Variants in EPPK1 observed in about 807,000 individuals in gnomAD.
EPPK1 encodes epiplakin 1.
For synonymous variants in EPPK1, 1,862 were observed against 1,721.2 expected, an observed-to-expected ratio of 1.08 and a Z score of -2.03; for missense variants, 3,823 against 3,673.3, an observed-to-expected ratio of 1.04 and a Z score of -1.05.
At position 143,867,875 on chromosome 8, in the gene EPPK1, C is replaced by T; in HGVS notation, c.5379G>A (p.Val1793=). 1.2e-6 allele frequency: 2 copies of T among 1,613,196 alleles called. No individual in the cohort carries two copies. Among genetic ancestry groups the T allele is most frequent in the Admixed American group, 1.7e-5 (1 of 60,006 alleles). Residue 1793 remains valine (V), a synonymous_variant, in exon 2 of 2, where the codon GTG becomes GTA. Transcript: ENST00000615648. ...KMRVGRFADQ[V]VSFWDLLSSP... is the part of the protein sequence containing the mutation. ...AGGACAGCAGGTCCCAGAAAGAGACCACCTGGTCAGCAAACCTCCCCACGC... is the reference window on the plus strand; with the variant it reads ...AGGACAGCAGGTCCCAGAAAGAGACTACCTGGTCAGCAAACCTCCCCACGC...
rs1294173426 is a variant in EPPK1 at position 143,873,090 on chromosome 8, T to A, written c.164A>T (p.Gln55Leu). The A allele has an allele frequency of 2.6e-6, 4 of 1,555,672 alleles. No homozygotes were observed. Among genetic ancestry groups the A allele is most frequent in the Non-Finnish European group, 3.5e-6 (4 of 1,152,758 alleles). Residue 55 changes from glutamine to leucine, a missense_variant, in exon 2 of 2, where the codon CAG (glutamine) becomes CTG (leucine). Gln to Leu is a moderately radical substitution (Grantham distance 113). Coordinates refer to ENST00000615648, the MANE Select transcript of EPPK1 (RefSeq NM_031308.4). ...CTGCTCCATGGCGGCGTAGACACTC[T>A]GGGCCTGGCCCGAGGCCTCCACATA... The part of the protein sequence containing the change: ...GVYVEASGQA[Q>L]SVYAAMEQGL...
chr8:143,870,162 A>G lies in EPPK1; in HGVS notation c.3092T>C (p.Ile1031Thr). Residue 1031 changes from isoleucine (I) to threonine (T), a missense_variant, in exon 2 of 2, where the codon ATC (isoleucine) becomes ACC (threonine). Transcript: ENST00000615648. This position sits in a 1 kb window ranked among gnomAD's most constrained non-coding sequence, Gnocchi z 5.2. Reference protein sequence around the residue: ...SVFQAMKKGLIPWEQAARLLE... With the variant: ...SVFQAMKKGLTPWEQAARLLE... ...GAGGCGGGCAGCTTGCTCCCAAGGGATGAGACCTTTCTTCATGGCCTGGAA... is the reference window on the plus strand; with the variant it reads ...GAGGCGGGCAGCTTGCTCCCAAGGGGTGAGACCTTTCTTCATGGCCTGGAA... The G allele has an allele frequency of 3.1e-6, 5 of 1,611,686 alleles. No homozygotes were observed. Among genetic ancestry groups the G allele is most frequent in the Non-Finnish European group, 3.4e-6 (4 of 1,179,416 alleles).
chr8:143,868,660 C>T lies in EPPK1; in HGVS notation c.4594G>A (p.Asp1532Asn). Reference protein sequence around the residue: ...RGLRKQVSARDLFRAQLISRK... With the variant: ...RGLRKQVSARNLFRAQLISRK... ...CTGATCAGCTGCGCCCTGAACAGGTCCCTGGCTGACACCTGCTTCCGGAGC... is the reference window on the plus strand; with the variant it reads ...CTGATCAGCTGCGCCCTGAACAGGTTCCTGGCTGACACCTGCTTCCGGAGC... The change falls in exon 2 of 2, where the codon GAC becomes AAC. Residue 1532 changes from aspartate (D) to asparagine (N), a missense_variant. By Grantham distance (23) the Asp-to-Asn change is conservative. Transcript: ENST00000615648. The T allele has an allele frequency of 6.3e-7, 1 of 1,585,762 alleles. No homozygotes were observed.
chr8:143,866,861 C>T lies in EPPK1; in HGVS notation c.6393G>A (p.Val2131=), dbSNP rs782124931. Residue 2131 remains valine (V), a synonymous_variant, in exon 2 of 2, where the codon GTG becomes GTA. Coordinates refer to ENST00000615648, the MANE Select transcript of EPPK1 (RefSeq NM_031308.4). ...CCAGCTGGAGCTTCTTCTCCTCTGT[C>T]ACGTATTCGGAATTCAGTAGTGCCC... ...TLWALLNSEY[V]TEEKKLQLVR... is the part of the protein sequence containing the mutation. 4 of 1,613,316 alleles carry T rather than the reference C, an allele frequency of 2.5e-6. No homozygotes were observed. In the Admixed American group the frequency reaches 5.0e-5, roughly 20 times the overall value.
rs781812162 is a variant in EPPK1 at position 143,867,004 on chromosome 8, G to C, written c.6250C>G (p.Pro2084Ala). The C allele has an allele frequency of 2.5e-6, 4 of 1,612,694 alleles. No homozygotes were observed. The highest frequency in any genetic ancestry group is 1.1e-5 in the South Asian group (1 of 91,078). ...PQEDTGWLLF[P>A]VNKAARDSEH... Reference sequence around the variant, plus strand: ...GAGTCCCGTGCAGCCTTGTTCACTGGGAACAGCAGCCAGCCCGTGTCCTCT... The same window carrying C: ...GAGTCCCGTGCAGCCTTGTTCACTGCGAACAGCAGCCAGCCCGTGTCCTCT... The change falls in exon 2 of 2, where the codon CCA (proline) becomes GCA (alanine). Residue 2084 changes from proline (P) to alanine (A), a missense_variant. By Grantham distance (27) the Pro-to-Ala change is conservative (BLOSUM62 -1). Transcript: ENST00000615648.
At chr8:143,878,243 C>T (rs1226439740) in intron 1 of EPPK1, among the ~76,000 whole-genome samples, 195 bp downstream of exon 1, 3 of 151,930 alleles carry the variant, frequency 2.0e-5, no homozygotes, top group Admixed American at 6.5e-5. Context: ...ACCTGCCCGG[C>T]CAGAGCCCAA....
At chr8:143,873,728 A>G (rs1819427433) in intron 1 of EPPK1, among the ~76,000 whole-genome samples, 2 of 145,628 alleles carry the variant, frequency 1.4e-5, no homozygotes, top group South Asian at 4.4e-4. Flanking sequence ...CCCGCCCCTC[A>G]GCCTGGGCAC....
Position 143,870,702 on chromosome 8 carries a change from A to C in EPPK1, c.2552T>G (p.Leu851Arg). ...GACCTCGCGCTGCCGGTAGCGACGC[A>C]GCAGCTGCCTCCTGCGGCCCTCGCT... ...YFSEGRRRQL[L>R]RRYRQREVTL... The change falls in exon 2 of 2, where the codon CTG becomes CGG. Residue 851 changes from leucine (L) to arginine (R), a missense_variant. Transcript: ENST00000615648. This position sits in a 1 kb window ranked among gnomAD's most constrained non-coding sequence, Gnocchi z 5.2. 1 of 1,610,830 alleles carries C rather than the reference A, an allele frequency of 6.2e-7. No homozygotes were observed. Among genetic ancestry groups the C allele is most frequent in the Non-Finnish European group, 8.5e-7 (1 of 1,178,938 alleles).
At position 143,858,062 on chromosome 8, in the gene EPPK1, C is replaced by T. The variant is rs781913573; in HGVS notation, c.15192G>A (p.Thr5064=). The change falls in exon 2 of 2, where the codon ACG becomes ACA. Residue 5064 remains threonine (T), a synonymous_variant. Coordinates refer to ENST00000615648, the MANE Select transcript of EPPK1 (RefSeq NM_031308.4). ...FFDPNTHENL[T]YLQLLQRATL... is the part of the protein sequence containing the mutation. ...TGGCCCTCTGCAGAAGCTGCAGGTACGTGAGGTTCTCGTGCGTGTTGGGGT... is the reference window on the plus strand; with the variant it reads ...TGGCCCTCTGCAGAAGCTGCAGGTATGTGAGGTTCTCGTGCGTGTTGGGGT... 6.2e-7 allele frequency: 1 copy of T among 1,613,380 alleles called. No homozygotes were observed. The highest frequency in any genetic ancestry group is 1.3e-5 in the African/African-American group (1 of 75,050).
chr8:143,875,955 C>G (rs1248314018), intron 1 of EPPK1, among the ~76,000 whole-genome samples: 3 of 152,128 alleles, frequency 2.0e-5, no homozygotes, highest in Non-Finnish European at 4.4e-5. Context: ...CACCCCCCAC[C>G]CCCCACTGAC....
chr8:143,871,866 AG>A lies in EPPK1; in HGVS notation c.1387del (p.Ala464ProfsTer28). The A allele has an allele frequency of 6.2e-7, 1 of 1,611,054 alleles. No individual in the cohort carries two copies. The highest frequency in any genetic ancestry group is 8.5e-7 in the Non-Finnish European group (1 of 1,179,760). ...ALCVTDPETG[L>X]AFLPLSGGPR... ...TCCCCCTGAGAGTGGCAGGAAGGCA[AG>A]CCCGGTCTCTGGGTCGGTGACACAG... On this transcript the variant is annotated frameshift_variant, in exon 2 of 2. Coordinates refer to ENST00000615648, the MANE Select transcript of EPPK1 (RefSeq NM_031308.4). LOFTEE classifies it low-confidence loss of function (END_TRUNC).
At position 143,867,748 on chromosome 8, in the gene EPPK1, CA is replaced by C. The variant is rs1554659595; in HGVS notation, c.5505del (p.Ile1835MetfsTer20). 6.2e-7 allele frequency: 1 copy of C among 1,613,796 alleles called. No homozygotes were observed. The highest frequency in any genetic ancestry group is 2.2e-5 in the East Asian group (1 of 44,882). On this transcript the variant is annotated frameshift_variant, in exon 2 of 2. Coordinates refer to ENST00000615648, the MANE Select transcript of EPPK1 (RefSeq NM_031308.4). LOFTEE classifies it low-confidence loss of function (END_TRUNC). ...CCTTGGTTTTGCGTCTCTGTTTCTT[CA>C]ATTGTCGTGGTGATGATTTCCAGCA... is the stretch of plus-strand genomic sequence containing the variant. The part of the protein sequence containing the change: ...EKLLEIITTT[I>X]EETETQNQGI...
rs367640831 is a variant in EPPK1 at position 143,867,252 on chromosome 8, G to A, written c.6002C>T (p.Ala2001Val). The A allele has an allele frequency of 1.9e-5, 30 of 1,612,560 alleles. No individual in the cohort carries two copies. Among genetic ancestry groups the A allele is most frequent in the Middle Eastern group, 1.7e-4 (1 of 6,060 alleles). The stretch of plus-strand genomic sequence containing the variant: ...CACCTCCAGCAGCCTCAGTGCCTCC[G>A]CCTTCTCGATGAGCTGCTTCTGCAT... The part of the protein sequence containing the change: ...QAMQKQLIEK[A>V]EALRLLEVQV... Residue 2001 changes from alanine (A) to valine (V), a missense_variant, in exon 2 of 2, where the codon GCG becomes GTG. Ala to Val is a moderately conservative substitution (Grantham distance 64, BLOSUM62 0). Coordinates refer to ENST00000615648, the MANE Select transcript of EPPK1 (RefSeq NM_031308.4).
Position 143,871,358 on chromosome 8 carries a change from C to T in EPPK1, c.1896G>A (p.Lys632=). The T allele has an allele frequency of 6.2e-7, 1 of 1,609,528 alleles. No individual in the cohort carries two copies. The highest frequency in any genetic ancestry group is 8.5e-7 in the Non-Finnish European group (1 of 1,178,718). ...GGGCAGTGCCGGGCCGGAGGAGCCC[C>T]TTGCATCGGGCCTCATAGATGCTCA... The part of the protein sequence containing the change: ...ERLSIYEARC[K]GLLRPGTALI... Residue 632 remains lysine (K), a synonymous_variant, in exon 2 of 2, where the codon AAG becomes AAA. Coordinates refer to ENST00000615648, the MANE Select transcript of EPPK1 (RefSeq NM_031308.4).
At position 143,858,037 on chromosome 8, in the gene EPPK1, T is replaced by G. The variant is rs781881077; in HGVS notation, c.15217A>C (p.Thr5073Pro). 1 of 1,612,482 alleles carries G rather than the reference T, an allele frequency of 6.2e-7. No individual in the cohort carries two copies. Among genetic ancestry groups the G allele is most frequent in the Non-Finnish European group, 8.5e-7 (1 of 1,179,814 alleles). ...AGGAGCCCCGTCTCAGGGTCCAGGG[T>G]GGCCCTCTGCAGAAGCTGCAGGTAC... ...LTYLQLLQRA[T>P]LDPETGLLFL... Residue 5073 changes from threonine (T) to proline (P), a missense_variant, in exon 2 of 2, where the codon ACC becomes CCC. By Grantham distance (38) the Thr-to-Pro change is conservative. Transcript: ENST00000615648.
chr8:143,870,396 T>A lies in EPPK1; in HGVS notation c.2858A>T (p.Lys953Met). The stretch of plus-strand genomic sequence containing the variant: ...CAGGGCCACCCTGGGCCCCAGCAGC[T>A]TCTGCCTCATGGCCTGGTAGAGGCT... ...RLSLYQAMRQ[K>M]LLGPRVALAL... Residue 953 changes from lysine to methionine, a missense_variant, in exon 2 of 2, where the codon AAG (lysine) becomes ATG (methionine). Transcript: ENST00000615648. This position sits in a 1 kb window ranked among gnomAD's most constrained non-coding sequence, Gnocchi z 5.2. The A allele has an allele frequency of 6.3e-7, 1 of 1,579,558 alleles. No individual in the cohort carries two copies. Among genetic ancestry groups the A allele is most frequent in the East Asian group, 2.3e-5 (1 of 44,008 alleles).
upstream of EPPK1, among the ~76,000 whole-genome samples, chr8:143,878,712 C>T (rs1252594018): frequency 2.0e-5 from 3 of 151,818 alleles, no homozygotes; most frequent in Non-Finnish European, 4.4e-5. Flanking sequence ...GCGTCCTGTG[C>T]CCTTCAGAAC....
intron 1 of EPPK1, among the ~76,000 whole-genome samples, chr8:143,877,929 C>A (rs1001834976): frequency 3.9e-5 from 6 of 152,050 alleles, no homozygotes; most frequent in African/African-American, 1.4e-4. Flanking sequence ...GAGTGGCCAC[C>A]CCTGGGACCG....
intron 1 of EPPK1, among the ~76,000 whole-genome samples, chr8:143,875,148 C>T (rs561549822): frequency 1.3e-5 from 2 of 152,320 alleles, no homozygotes; most frequent in South Asian, 2.1e-4. Context: ...CACAGGCACC[C>T]CATGCTGCTC....
Sources: allele counts gnomAD v4.1 joint callset (sites outside exome capture counted in the v4.1 genomes callset), GRCh38; gene constraint gnomAD v4.1.1; non-coding constraint Gnocchi (gnomAD v3.1); transcripts MANE v1.5; gene names NCBI Gene and HGNC (gene_info 2026-07-23, HGNC 2026-07-21).